The following RAB7B variants were observed in gnomAD, a reference collection of about 807,000 sequenced individuals.
RAB7B encodes the protein ras-related protein Rab-7b.
chr1:205,990,962 G>A (rs1048674976), intron 4 of RAB7B, among the ~76,000 whole-genome samples: 3 of 151,836 alleles, frequency 2.0e-5, no homozygotes, highest in Non-Finnish European at 2.9e-5. Context: ...TAGTAGAGGC[G>A]GGGTTTCACC....
At position 205,999,441 on chromosome 1, in the gene RAB7B, A is replaced by C. The variant is rs1026402412; in HGVS notation, c.-17+3812T>G. Among the ~76,000 whole-genome samples, 1,080 of 152,340 alleles carry C rather than the reference A, an allele frequency of 7.1e-3. 13 individuals are homozygous for C. Among genetic ancestry groups the C allele is most frequent in the African/African-American group, 0.025 (1,029 of 41,576 alleles). ...AATACCATTTATTTTCACCCAGTAGAGTGGCAAAATTTTAAAAAGATTGAC... is the reference window on the plus strand; with the variant it reads ...AATACCATTTATTTTCACCCAGTAGCGTGGCAAAATTTTAAAAAGATTGAC... On this transcript the variant is annotated intron_variant, in intron 1 of 5. Transcript: ENST00000617070.
intron 4 of RAB7B, among the ~76,000 whole-genome samples, chr1:205,987,186 C>T (rs1660625494): frequency 6.6e-6 from 1 of 152,144 alleles, no homozygotes; most frequent in Non-Finnish European, 1.5e-5. Context: ...GCTACCCAGA[C>T]AGTATTTTTC....
chr1:205,989,815 C>T (rs1660685867), intron 4 of RAB7B, among the ~76,000 whole-genome samples: 1 of 152,142 alleles, frequency 6.6e-6, no homozygotes, highest in African/African-American at 2.4e-5. Flanking sequence ...CTACGGAGAC[C>T]CCACCTCAAA....
In RAB7B at chr1:205,999,876, T is replaced by A. The variant is rs900342787; in HGVS notation, c.-17+3377A>T. 3.7e-3 allele frequency among the ~76,000 whole-genome samples: 565 copies of A among 152,290 alleles called. 1 individual carries two copies. The highest frequency in any genetic ancestry group is 0.012 in the African/African-American group (488 of 41,552). ...TCAAATTCCTGGGCTGAAGTGATCCTCCCCCCTCAACCTCCCAGGTAGCTG... is the reference window on the plus strand; with the variant it reads ...TCAAATTCCTGGGCTGAAGTGATCCACCCCCCTCAACCTCCCAGGTAGCTG... On this transcript the variant is annotated intron_variant, in intron 1 of 5. Transcript: ENST00000617070.
chr1:206,001,986 G>A (rs983996345), intron 1 of RAB7B, among the ~76,000 whole-genome samples: 3 of 152,190 alleles, frequency 2.0e-5, no homozygotes, highest in Non-Finnish European at 2.9e-5. Context: ...AGACGAGTGA[G>A]CAGGGGCAGG....
chr1:205,992,341 A>G (rs1660734730), intron 4 of RAB7B, 139 bp downstream of exon 4: 3 of 397,024 alleles, frequency 7.6e-6, no homozygotes, highest in African/African-American at 2.1e-5. Context: ...AAATGTCTGT[A>G]TCTACTACTA....
At chr1:206,000,447 A>C (rs1660872792) in intron 1 of RAB7B, among the ~76,000 whole-genome samples, 1 of 152,212 alleles carries the variant, frequency 6.6e-6, no homozygotes, top group Non-Finnish European at 1.5e-5. Flanking sequence ...GGTGCCATGG[A>C]GTGATCATGA....
At chr1:205,996,776 C>A (rs1660818114) in intron 1 of RAB7B, among the ~76,000 whole-genome samples, 1 of 152,160 alleles carries the variant, frequency 6.6e-6, no homozygotes, top group Middle Eastern at 3.2e-3. Context: ...AACTTACAGT[C>A]ATGGGTGGAT....
chr1:205,984,026 T>C (rs1660545685), intron 5 of RAB7B: 1 of 152,238 alleles, frequency 6.6e-6, no homozygotes, highest in Non-Finnish European at 1.5e-5. Context: ...TGGAGGATTA[T>C]TGATCAATAT....
chr1:205,998,363 CAAAT>C (rs1660840718), intron 1 of RAB7B, among the ~76,000 whole-genome samples: 1 of 152,104 alleles, frequency 6.6e-6, no homozygotes, highest in Non-Finnish European at 1.5e-5. Context: ...CTCAAACAAA[CAAAT>C]AAACAAACAA....
intron 4 of RAB7B, among the ~76,000 whole-genome samples, chr1:205,989,736 C>G (rs1660684656): frequency 6.6e-6 from 1 of 152,148 alleles, no homozygotes; most frequent in African/African-American, 2.4e-5. Context: ...GGTGCCCTCG[C>G]AGCTCTGTCC....
chr1:205,982,526 C>A (rs1051901461), intron 5 of RAB7B, among the ~76,000 whole-genome samples: 8 of 152,168 alleles, frequency 5.3e-5, no homozygotes, highest in Non-Finnish European at 8.8e-5. Context: ...GCCCTCTCTG[C>A]ACTACAATAG....
intron 4 of RAB7B, among the ~76,000 whole-genome samples, chr1:205,988,678 A>C: frequency 6.6e-6 from 1 of 152,162 alleles, no homozygotes; most frequent in East Asian, 1.9e-4. Flanking sequence ...CCTTCCTATT[A>C]TTACTCAGTC....
rs1660403071 is a variant in RAB7B, at chr1:205,977,479, C to T, written c.*1372G>A. The T allele has an allele frequency of 6.6e-6, 1 of 152,230 alleles. No individual in the cohort carries two copies. The highest frequency in any genetic ancestry group is 2.4e-5 in the African/African-American group (1 of 41,462). 9.4% of individuals were successfully genotyped at this position (152,230 alleles called of 1,614,324 possible). ...CTAAACATGCCTCCAAGCCCATGAA[C>T]AAGCTTTGAGCATCTGAAGGACAAA... On this transcript the variant is annotated 3_prime_UTR_variant, in exon 6 of 6. Transcript: ENST00000617070.
intron 4 of RAB7B, among the ~76,000 whole-genome samples, chr1:205,989,389 C>T (rs1041920374): frequency 4.6e-5 from 7 of 152,198 alleles, no homozygotes; most frequent in Non-Finnish European, 7.4e-5. Context: ...GATTGGACCC[C>T]CTCTACTCCC....
chr1:205,990,925 T>A lies in RAB7B; in HGVS notation c.396+1555A>T, dbSNP rs1293992478. ...GCCTCATCCTCCTGAGTAGCTGGGA[T>A]TACAGATGCCCACCACCACGTATTT... is the stretch of plus-strand genomic sequence containing the variant. On this transcript the variant is annotated intron_variant, in intron 4 of 5. Coordinates refer to ENST00000617070, the MANE Select transcript of RAB7B (RefSeq NM_001164522.3). Among the ~76,000 whole-genome samples the A allele has an allele frequency of 2.0e-5, 3 of 151,914 alleles. No individual in the cohort carries two copies. The East Asian group carries it at 5.8e-4, about 29-fold the overall frequency.
At chr1:205,985,831 A>C (rs1660594712) in intron 4 of RAB7B, among the ~76,000 whole-genome samples, 166 bp from the exon 5 acceptor site, 7 of 146,666 alleles carry the variant, frequency 4.8e-5, no homozygotes, top group East Asian at 2.0e-4. Flanking sequence ...CACCATCCCC[A>C]CCAGGCCCAC....
intron 1 of RAB7B, among the ~76,000 whole-genome samples, chr1:206,000,140 AAAG>A (rs1660869102): frequency 6.6e-6 from 1 of 152,234 alleles, no homozygotes; most frequent in African/African-American, 2.4e-5. Flanking sequence ...AAGTAAGAAA[AAAG>A]AAAATCACTG....
At chr1:205,985,149 C>T (rs1660567579) in intron 5 of RAB7B, among the ~76,000 whole-genome samples, 1 of 152,196 alleles carries the variant, frequency 6.6e-6, no homozygotes, top group Admixed American at 6.5e-5. Context: ...GCAACTCGTA[C>T]AGGTTTGATA....
Sources: allele counts gnomAD v4.1 joint callset (sites outside exome capture counted in the v4.1 genomes callset), GRCh38; gene constraint gnomAD v4.1.1; transcripts MANE v1.5; gene names NCBI Gene and HGNC (gene_info 2026-07-23, HGNC 2026-07-21).